MARK3: variants seen among roughly 807,000 people sequenced by gnomAD.
MARK3 encodes MAP/microtubule affinity-regulating kinase 3.
In MARK3, 46 loss-of-function variants were observed where a neutral mutation model predicts 90.1. The observed-to-expected ratio is 0.51, with a 90% confidence interval of 0.40 to 0.65. The LOEUF is 0.65. Among genes scored for constraint, MARK3 ranks in the 30% least tolerant of loss-of-function variants. The pLI is 0.00. For missense variants in MARK3, 818 were observed against 947.2 expected (o/e 0.86, Z 1.79); for synonymous variants, 321 against 332.6 (o/e 0.97, Z 0.38).
chr14:103,497,065 A>T (rs187867865), intron 15 of MARK3, among the ~76,000 whole-genome samples: 2 of 152,320 alleles, frequency 1.3e-5, no homozygotes, highest in East Asian at 3.9e-4. Context: ...ATTTAAAAGT[A>T]AAAGAAAATT....
At chr14:103,399,547 A>G (rs995211678) in intron 1 of MARK3, among the ~76,000 whole-genome samples, 8 of 152,008 alleles carry the variant, frequency 5.3e-5, no homozygotes, top group Admixed American at 5.2e-4. Context: ...AATACGAAAA[A>G]AATTAGCCGG....
chr14:103,484,274 T>C (rs1182644159), intron 14 of MARK3, among the ~76,000 whole-genome samples: 1 of 151,786 alleles, frequency 6.6e-6, no homozygotes, highest in East Asian at 1.9e-4. Flanking sequence ...ATCTCCCGGG[T>C]TCATGCAGTT....
intron 1 of MARK3, among the ~76,000 whole-genome samples, chr14:103,389,943 C>CAAAA (rs71126011): frequency 8.4e-4 from 25 of 29,598 alleles, no homozygotes; most frequent in African/African-American, 1.9e-3. Flanking sequence ...TACTCCGTCT[C>CAAAA]AAAAAAAAAA....
At chr14:103,438,012 T>C (rs1462454248) in intron 3 of MARK3, among the ~76,000 whole-genome samples, 1 of 152,196 alleles carries the variant, frequency 6.6e-6, no homozygotes, top group Admixed American at 6.5e-5. Context: ...TTCTTTTTTT[T>C]TCTTTGAGAC....
chr14:103,392,217 C>T (rs926407280), intron 1 of MARK3, among the ~76,000 whole-genome samples: 1 of 152,106 alleles, frequency 6.6e-6, no homozygotes, highest in Non-Finnish European at 1.5e-5. Flanking sequence ...GAATGCCTAC[C>T]GTGTGTATGA....
chr14:103,460,073 C>CTTTT (rs571611660), intron 6 of MARK3, among the ~76,000 whole-genome samples: 589 of 41,716 alleles, frequency 0.014, 136 homozygotes, highest in East Asian at 0.026. Flanking sequence ...CCAGCTCCAT[C>CTTTT]TTTTTTTTTT....
chr14:103,478,202 G>A (rs2093750298), intron 13 of MARK3, among the ~76,000 whole-genome samples: 1 of 151,508 alleles, frequency 6.6e-6, no homozygotes, highest in South Asian at 2.1e-4. Context: ...GGCTAAGGCA[G>A]GAGAATCGAT....
intron 5 of MARK3, among the ~76,000 whole-genome samples, chr14:103,453,143 C>CG (rs1471478423): frequency 3.3e-5 from 5 of 152,150 alleles, no homozygotes; most frequent in Non-Finnish European, 2.9e-5. Context: ...TAGACATTTT[C>CG]TGAAATGCGT....
intron 5 of MARK3, among the ~76,000 whole-genome samples, chr14:103,453,740 T>C (rs1465242463): frequency 6.6e-6 from 1 of 152,224 alleles, no homozygotes; most frequent in African/African-American, 2.4e-5. Flanking sequence ...TTCATAGCCC[T>C]CACGTTGTAC....
At chr14:103,466,208 GA>G in intron 9 of MARK3, 117 bp downstream of exon 9, 1 of 1,386,938 alleles carries the variant, frequency 7.2e-7, no homozygotes, top group East Asian at 2.3e-5. Flanking sequence ...AGCAAGAATT[GA>G]AACATTAAAA....
intron 1 of MARK3, among the ~76,000 whole-genome samples, chr14:103,390,596 C>CA (rs1230329141): frequency 5.3e-5 from 8 of 151,876 alleles, no homozygotes; most frequent in African/African-American, 1.5e-4. Context: ...AAAAAAACTG[C>CA]AAAAAAAATC....
chr14:103,463,648 A>C (rs540041605), intron 7 of MARK3, among the ~76,000 whole-genome samples: 9 of 152,178 alleles, frequency 5.9e-5, no homozygotes, highest in Admixed American at 2.6e-4. Context: ...CCAAGGCCAG[A>C]CCACCATTAT....
At chr14:103,458,475 AGAAGC>A (rs1187078257) in intron 6 of MARK3, among the ~76,000 whole-genome samples, 1 of 146,430 alleles carries the variant, frequency 6.8e-6, no homozygotes, top group African/African-American at 2.5e-5. Flanking sequence ...AAAAAAAAAA[AGAAGC>A]AGCAGCTGTA....
At position 103,474,996 on chromosome 14, in the gene MARK3, G is replaced by A. The variant is rs372769476; in HGVS notation, c.1268G>A (p.Gly423Glu). 1.2e-4 allele frequency: 193 copies of A among 1,608,944 alleles called. No homozygotes were observed. The highest frequency in any genetic ancestry group is 1.6e-4 in the Non-Finnish European group (187 of 1,175,784). Reference sequence around the variant, plus strand: ...AAAAATGAACTCTTTATTTTAGCTGGACCAGCTATTCCTTCTGTTGTGGCG... The same window carrying A: ...AAAAATGAACTCTTTATTTTAGCTGAACCAGCTATTCCTTCTGTTGTGGCG... The part of the protein sequence containing the change: ...QKQRRYSDHA[G>E]PAIPSVVAYP... Residue 423 changes from glycine to glutamate, a missense_variant, in exon 13 of 18, where the codon GGA (glycine) becomes GAA (glutamate). By Grantham distance (98) the Gly-to-Glu change is moderately conservative (BLOSUM62 -2). This residue lies in a region of MARK3 where 560 missense variants were observed against 613.5 expected (regional missense o/e 0.91). Transcript: ENST00000429436.
At chr14:103,440,180 T>G (rs2092815991) in intron 3 of MARK3, among the ~76,000 whole-genome samples, 1 of 152,226 alleles carries the variant, frequency 6.6e-6, no homozygotes, top group African/African-American at 2.4e-5. Flanking sequence ...ATATGTAGTA[T>G]CCCATTATGT....
intron 5 of MARK3, 107 bp downstream of exon 5, chr14:103,452,090 A>G (rs1186148211): frequency 7.0e-6 from 5 of 717,668 alleles, no homozygotes; most frequent in Non-Finnish European, 1.2e-5. Flanking sequence ...TTTAACGTCC[A>G]GAGCCATAAT....
intron 13 of MARK3, among the ~76,000 whole-genome samples, chr14:103,475,414 T>C (rs1378320509): frequency 6.6e-6 from 1 of 152,130 alleles, no homozygotes; most frequent in Admixed American, 6.6e-5. Context: ...TTCTTGCTGC[T>C]GTAACAAAAT....
chr14:103,461,729 T>G (rs2093404767), intron 6 of MARK3, among the ~76,000 whole-genome samples: 1 of 152,062 alleles, frequency 6.6e-6, no homozygotes, highest in South Asian at 2.1e-4. Flanking sequence ...TGGAGTTGAC[T>G]CTATGGGTAT....
chr14:103,480,825 T>A (rs2093806316), intron 14 of MARK3, among the ~76,000 whole-genome samples: 1 of 152,148 alleles, frequency 6.6e-6, no homozygotes, highest in Non-Finnish European at 1.5e-5. Flanking sequence ...ATTAATAACT[T>A]GAACAAAAGC....
Sources: allele counts gnomAD v4.1 joint callset (sites outside exome capture counted in the v4.1 genomes callset), GRCh38; gene constraint gnomAD v4.1.1; regional missense constraint gnomAD v4.1.1; transcripts MANE v1.5; gene names NCBI Gene and HGNC (gene_info 2026-07-23, HGNC 2026-07-21).